ZFHX3: variants seen among roughly 807,000 people sequenced by gnomAD.
ZFHX3 encodes the protein zinc finger homeobox 3, also known as zinc finger homeobox protein 3.
ZFHX3 carries 42 observed loss-of-function variants against 279.1 expected under a neutral mutation model. That is an observed-to-expected ratio of 0.15 (90% confidence interval 0.12 to 0.19). The LOEUF (loss-of-function observed/expected upper bound fraction) is 0.19, where lower values mean the gene tolerates loss of function less well. Ranked by LOEUF, ZFHX3 falls within the 10% of genes least tolerant of loss-of-function variation. ZFHX3 has a pLI of 1.00. For missense variants in ZFHX3, 4,981 were observed against 4,754.0 expected, an observed-to-expected ratio of 1.05 and a Z score of -1.40; for synonymous variants, 2,293 against 1,957.8, an observed-to-expected ratio of 1.17 and a Z score of -4.52.
intron 4 of ZFHX3, among the ~76,000 whole-genome samples, chr16:72,854,798 G>A (rs1041587585): frequency 3.3e-5 from 5 of 151,912 alleles, no homozygotes; most frequent in Non-Finnish European, 7.4e-5. Context: ...AGTTCAGCCT[G>A]TTTTTAAAAC....
At chr16:73,208,815 C>T (rs1176576350) in intron 5 of ZFHX3, among the ~76,000 whole-genome samples, 2 of 152,142 alleles carry the variant, frequency 1.3e-5, no homozygotes, top group Non-Finnish European at 2.9e-5. Flanking sequence ...TGTTATTTTG[C>T]AAAATGAATC....
At chr16:73,068,541 T>C (rs1259800602) in intron 8 of ZFHX3, among the ~76,000 whole-genome samples, 6 of 152,220 alleles carry the variant, frequency 3.9e-5, no homozygotes, top group Admixed American at 2.0e-4. Context: ...CATGTAACAA[T>C]TGCCTGGTGT....
At chr16:72,925,480 A>G (rs1312937387) in intron 3 of ZFHX3, among the ~76,000 whole-genome samples, 1 of 152,224 alleles carries the variant, frequency 6.6e-6, no homozygotes, top group East Asian at 1.9e-4. Flanking sequence ...GTCAGGCTAA[A>G]TGGTCCCCAA....
intron 2 of ZFHX3, among the ~76,000 whole-genome samples, chr16:73,617,792 T>G (rs1352758463): frequency 6.6e-6 from 1 of 152,140 alleles, no homozygotes; most frequent in Admixed American, 6.5e-5. Context: ...AAAATCTCAC[T>G]CAAATCATAA....
intron 4 of ZFHX3, among the ~76,000 whole-genome samples, chr16:72,838,229 C>T (rs2037248116): frequency 6.6e-6 from 1 of 152,100 alleles, no homozygotes. Flanking sequence ...TTAAAAATGA[C>T]TAATTGGAGA....
chr16:73,441,350 T>C (rs1038298435), intron 3 of ZFHX3, among the ~76,000 whole-genome samples: 1 of 152,164 alleles, frequency 6.6e-6, no homozygotes, highest in Non-Finnish European at 1.5e-5. Context: ...TCCTAACCTT[T>C]GTCTAAAAGA....
intron 1 of ZFHX3, among the ~76,000 whole-genome samples, chr16:73,869,373 T>A (rs1037168701): frequency 6.6e-6 from 1 of 152,180 alleles, no homozygotes; most frequent in Non-Finnish European, 1.5e-5. Context: ...CTAAAACTTA[T>A]CAGCTGAGAA....
chr16:73,621,348 T>C (rs1184067331), intron 2 of ZFHX3, among the ~76,000 whole-genome samples: 1 of 152,188 alleles, frequency 6.6e-6, no homozygotes, highest in Non-Finnish European at 1.5e-5. Flanking sequence ...CCCCAGGTGC[T>C]ACAAATGTTT....
At chr16:73,007,539 C>T (rs1032722839) in intron 1 of ZFHX3, among the ~76,000 whole-genome samples, 2 of 152,136 alleles carry the variant, frequency 1.3e-5, no homozygotes, top group Non-Finnish European at 2.9e-5. Flanking sequence ...CTCTGCCTCC[C>T]GGGTTCACGC....
intron 2 of ZFHX3, among the ~76,000 whole-genome samples, chr16:73,542,327 G>A (rs1465253896): frequency 6.6e-6 from 1 of 152,142 alleles, no homozygotes; most frequent in Non-Finnish European, 1.5e-5. Context: ...TGACAGTATG[G>A]TGATGTCAGT....
intron 4 of ZFHX3, among the ~76,000 whole-genome samples, chr16:72,863,453 G>A (rs1175497990): frequency 2.0e-5 from 3 of 151,778 alleles, no homozygotes; most frequent in African/African-American, 4.9e-5. Context: ...GGAAGATCAA[G>A]GCTGTAAAGA....
intron 8 of ZFHX3, among the ~76,000 whole-genome samples, chr16:73,084,542 A>G (rs1457787883): frequency 3.6e-5 from 4 of 111,886 alleles, no homozygotes; most frequent in Non-Finnish European, 3.4e-5. Flanking sequence ...TTTTTTTGAG[A>G]TGGAGTCTTG....
At chr16:73,279,159 A>C (rs2014393291) in intron 4 of ZFHX3, among the ~76,000 whole-genome samples, 1 of 152,174 alleles carries the variant, frequency 6.6e-6, no homozygotes, top group African/African-American at 2.4e-5. Flanking sequence ...CATTTTGCAC[A>C]AATTTTAAGC....
At position 73,839,099 on chromosome 16, in the gene ZFHX3, T is replaced by C. The variant is rs148585661; in HGVS notation, c.-1608+52552A>G. Among the ~76,000 whole-genome samples the C allele has an allele frequency of 3.0e-3, 461 of 151,756 alleles. 3 individuals carry two copies. Among genetic ancestry groups the C allele is most frequent in the African/African-American group, 0.011 (435 of 41,400 alleles). Reference sequence around the variant, plus strand: ...TGCAGCTCCCCTTACAGAGCTAGCTTATGTATGTTATATTGGCCTGGTTGT... The same window carrying C: ...TGCAGCTCCCCTTACAGAGCTAGCTCATGTATGTTATATTGGCCTGGTTGT... On this transcript the variant is annotated intron_variant, in intron 1 of 17. Coordinates refer to the ZFHX3 transcript ENST00000641206.
At chr16:72,912,354 G>A (rs1456524696) in intron 3 of ZFHX3, among the ~76,000 whole-genome samples, 2 of 152,208 alleles carry the variant, frequency 1.3e-5, no homozygotes, top group African/African-American at 4.8e-5. Flanking sequence ...ACTGGCAAGG[G>A]CAGTGGCAAT....
intron 1 of ZFHX3, among the ~76,000 whole-genome samples, chr16:73,780,111 ATTTTTTTTTTTTTTTTTTTTTTT>A (rs762134796): frequency 0.023 from 772 of 33,194 alleles, 24 homozygotes; most frequent in African/African-American, 0.055. Context: ...CTGCATTTGA[ATTTTTTTTTTTTTTTTTTTTTTT>A]TTTTTTTTTT....
intron 8 of ZFHX3, among the ~76,000 whole-genome samples, chr16:73,080,066 T>G (rs1965927249): frequency 6.6e-6 from 1 of 152,166 alleles, no homozygotes; most frequent in Non-Finnish European, 1.5e-5. Context: ...TGCCTCTGAG[T>G]CCCCTTTGCC....
chr16:73,034,586 A>G (rs1964833233), intron 1 of ZFHX3, among the ~76,000 whole-genome samples: 2 of 152,164 alleles, frequency 1.3e-5, no homozygotes, highest in Non-Finnish European at 2.9e-5. Flanking sequence ...CACCACGGAG[A>G]GGGTGAAACG....
chr16:73,886,875 G>A (rs925805762), intron 1 of ZFHX3, among the ~76,000 whole-genome samples: 3 of 152,162 alleles, frequency 2.0e-5, no homozygotes, highest in Non-Finnish European at 4.4e-5. Context: ...AACTATAAAT[G>A]TCCTAGCTGA....
Sources: gnomAD v4.1 joint callset for allele counts (sites outside exome capture counted in the v4.1 genomes callset) on GRCh38, gnomAD v4.1.1 for gene constraint, MANE v1.5 for transcripts, NCBI Gene and HGNC (gene_info 2026-07-23, HGNC 2026-07-21) for gene names.